The following RYR2 variants were observed in gnomAD, a reference collection of about 807,000 sequenced individuals.
RYR2 encodes cardiac muscle ryanodine receptor-calcium release channel.
RYR2 carries 227 observed loss-of-function variants against 601.1 expected under a neutral mutation model. The ratio of observed to expected loss-of-function variants is 0.38; its 90% confidence interval spans 0.34 to 0.42. The LOEUF (loss-of-function observed/expected upper bound fraction) is 0.42. Among genes scored for constraint, RYR2 ranks in the 10% least tolerant of loss-of-function variants. The pLI is 1.00. For missense variants in RYR2, 4,646 were observed against 6,156.5 expected (o/e 0.75, Z 8.21); for synonymous variants, 2,223 against 2,175.1 (o/e 1.02, Z -0.61).
intron 57 of RYR2, 76 bp downstream of exon 57, chr1:237,666,665 T>A: frequency 3.5e-6 from 4 of 1,157,680 alleles, no homozygotes; most frequent in Non-Finnish European, 5.0e-6. Context: ...TTCCTGCATA[T>A]ATTTGGCAGC....
Position 237,639,105 on chromosome 1 carries a change from G to A in RYR2, c.7019G>A (p.Gly2340Glu), listed in dbSNP as rs1681179929. 1 of 1,613,702 alleles carries A rather than the reference G, an allele frequency of 6.2e-7. No individual in the cohort carries two copies. The highest frequency in any genetic ancestry group is 8.5e-7 in the Non-Finnish European group (1 of 1,179,872). ...CFGPALRGEG[G>E]NGLLAAMEEA... ...GGTCCTGCTTTGAGAGGAGAAGGTG[G>A]GAATGGGCTTCTTGCAGCAATGGAA... Residue 2340 changes from glycine to glutamate, a missense_variant, in exon 46 of 105, where the codon GGG (glycine) becomes GAG (glutamate). By Grantham distance (98) the Gly-to-Glu change is moderately conservative (BLOSUM62 -2). Around this residue, in one of 17 missense-constraint regions of RYR2, gnomAD observed 1,497 missense variants for 1,842.6 expected, o/e 0.81. Coordinates refer to ENST00000366574, the MANE Select transcript of RYR2 (RefSeq NM_001035.3).
chr1:237,397,407 C>G (rs182888832), intron 10 of RYR2, among the ~76,000 whole-genome samples: 7 of 152,064 alleles, frequency 4.6e-5, no homozygotes, highest in African/African-American at 1.7e-4. Context: ...CGTTATGTCA[C>G]GACTATGTTT....
intron 29 of RYR2, among the ~76,000 whole-genome samples, chr1:237,582,419 TAA>T (rs746043055): frequency 3.3e-4 from 47 of 140,632 alleles, no homozygotes; most frequent in Middle Eastern, 3.7e-3. Context: ...TAGCATTCTT[TAA>T]AAAAAAAAAA....
intron 17 of RYR2, among the ~76,000 whole-genome samples, chr1:237,483,505 C>T (rs1465198912): frequency 3.9e-5 from 6 of 152,134 alleles, no homozygotes; most frequent in Admixed American, 6.5e-5. Flanking sequence ...CTAGGCACAT[C>T]GGCTTACATC....
chr1:237,769,358 C>G (rs1694089660), intron 84 of RYR2, among the ~76,000 whole-genome samples: 2 of 152,126 alleles, frequency 1.3e-5, no homozygotes, highest in African/African-American at 2.4e-5. Flanking sequence ...AATTTAAACA[C>G]TGAGGAATGG....
chr1:237,244,904 C>T (rs1299133187), intron 1 of RYR2, among the ~76,000 whole-genome samples: 1 of 152,128 alleles, frequency 6.6e-6, no homozygotes, highest in African/African-American at 2.4e-5. Context: ...TCCTAAAGTC[C>T]AAGGATTCAT....
At chr1:237,101,571 G>A (rs557929443) in intron 1 of RYR2, among the ~76,000 whole-genome samples, 16 of 152,188 alleles carry the variant, frequency 1.1e-4, no homozygotes, top group East Asian at 3.9e-4. Context: ...GCTCTTTTTC[G>A]TACATATAAT....
At chr1:237,497,206 T>A (rs1664161761) in intron 20 of RYR2, among the ~76,000 whole-genome samples, 1 of 152,194 alleles carries the variant, frequency 6.6e-6, no homozygotes, top group Admixed American at 6.5e-5. Context: ...TTCTGTTAGA[T>A]AATGTAATGG....
intron 1 of RYR2, among the ~76,000 whole-genome samples, chr1:237,227,052 C>T (rs1313211776): frequency 6.6e-6 from 1 of 152,108 alleles, no homozygotes; most frequent in Non-Finnish European, 1.5e-5. Flanking sequence ...GGATTATAGA[C>T]GTTGAGCCCC....
intron 37 of RYR2, among the ~76,000 whole-genome samples, chr1:237,615,659 C>T (rs1189276508): frequency 1.3e-5 from 2 of 152,158 alleles, no homozygotes; most frequent in Non-Finnish European, 2.9e-5. Context: ...TTGACTGAAG[C>T]CTTACTCTGG....
At chr1:237,504,343 G>C (rs530258758) in intron 22 of RYR2, among the ~76,000 whole-genome samples, 1 of 151,958 alleles carries the variant, frequency 6.6e-6, no homozygotes, top group African/African-American at 2.4e-5. Flanking sequence ...AATATTTTGC[G>C]GGCAGGGGTG....
intron 29 of RYR2, among the ~76,000 whole-genome samples, chr1:237,587,404 T>C (rs574897025): frequency 6.6e-6 from 1 of 152,274 alleles, no homozygotes; most frequent in African/African-American, 2.4e-5. Flanking sequence ...TAATAAAATA[T>C]ATATACATTG....
chr1:237,506,793 G>C lies in RYR2; in HGVS notation c.2697G>C (p.Glu899Asp), dbSNP rs1290085302. 6.2e-7 allele frequency: 1 copy of C among 1,613,628 alleles called. No individual in the cohort carries two copies. The highest frequency in any genetic ancestry group is 2.2e-5 in the East Asian group (1 of 44,846). The change falls in exon 23 of 105, where the codon GAG becomes GAC. Residue 899 changes from glutamate to aspartate, a missense_variant. Transcript: ENST00000366574. The part of the protein sequence containing the change: ...IHELWVMNKI[E>D]LGWQYGPVRD... ...AACTCTGGGTTATGAATAAAATTGA[G>C]CTTGGCTGGCAGTATGGTCCGGTAT...
rs1361024002 is a variant in RYR2, at chr1:237,812,482, T to G, written c.14433+3447T>G. On this transcript the variant is annotated intron_variant, in intron 100 of 104. Transcript: ENST00000366574. ...AGTATTCCTATCGCATACAGAACAT[T>G]TAATATACTATACAAAAATAGTGGA... 4.6e-5 allele frequency among the ~76,000 whole-genome samples: 7 copies of G among 152,156 alleles called. No individual in the cohort carries two copies. In the East Asian group the frequency reaches 1.3e-3, roughly 29 times the overall value.
At chr1:237,538,497 C>A (rs1014608637) in intron 25 of RYR2, among the ~76,000 whole-genome samples, 1 of 139,352 alleles carries the variant, frequency 7.2e-6, no homozygotes. Flanking sequence ...TTTGGCCAGG[C>A]CTGGTGGCTC....
chr1:237,438,679 T>C (rs1707624846), intron 12 of RYR2, among the ~76,000 whole-genome samples: 1 of 152,214 alleles, frequency 6.6e-6, no homozygotes, highest in Non-Finnish European at 1.5e-5. Flanking sequence ...TTGCTTGTGG[T>C]CCCTGAAGCA....
intron 34 of RYR2, among the ~76,000 whole-genome samples, chr1:237,601,650 T>C (rs574862471): frequency 6.6e-6 from 1 of 152,324 alleles, no homozygotes; most frequent in East Asian, 1.9e-4. Context: ...ATTACCCTGA[T>C]TTGATCATTA....
intron 29 of RYR2, among the ~76,000 whole-genome samples, chr1:237,585,680 A>G (rs1458311568): frequency 6.6e-6 from 1 of 152,194 alleles, no homozygotes; most frequent in African/African-American, 2.4e-5. Flanking sequence ...CAGAAGTAAG[A>G]ATATGATTTG....
chr1:237,604,007 T>C (rs947837871), intron 35 of RYR2, among the ~76,000 whole-genome samples: 1 of 152,012 alleles, frequency 6.6e-6, no homozygotes, highest in Admixed American at 6.6e-5. Flanking sequence ...ACATTAGACA[T>C]ATCAACGAGA....
Sources: allele counts gnomAD v4.1 joint callset (sites outside exome capture counted in the v4.1 genomes callset), GRCh38; gene constraint gnomAD v4.1.1; regional missense constraint gnomAD v4.1.1; transcripts MANE v1.5; gene names NCBI Gene and HGNC (gene_info 2026-07-23, HGNC 2026-07-21).